The following NBN variants were observed in gnomAD, a reference collection of about 807,000 sequenced individuals.
NBN encodes Nijmegen breakage syndrome 1 (nibrin).
A neutral mutation model predicts 90.8 loss-of-function variants in NBN; 88 were observed. The observed-to-expected ratio is 0.97, with a 90% CI of 0.82 to 1.16. The LOEUF (loss-of-function observed/expected upper bound fraction) is 1.16, where lower values mean the gene tolerates loss of function less well. Among genes scored for constraint, NBN ranks in the 50% most tolerant of loss-of-function variants. The pLI, the probability that NBN is intolerant of heterozygous loss-of-function variation, is 0.00. For missense variants in NBN, 894 were observed against 869.6 expected (o/e 1.03, Z -0.35); for synonymous variants, 328 against 295.1 (o/e 1.11, Z -1.14).
Position 89,981,470 on chromosome 8 carries a change from A to G in NBN, c.225T>C (p.Gly75=). The G allele has an allele frequency of 6.2e-7, 1 of 1,613,674 alleles. No homozygotes were observed. The highest frequency in any genetic ancestry group is 8.5e-7 in the Non-Finnish European group (1 of 1,179,610). ...GCATTTTTTCCTCATTAACAAAGGTACCATACTTAGAATTATCTTTTAATG... is the reference window on the plus strand; with the variant it reads ...GCATTTTTTCCTCATTAACAAAGGTGCCATACTTAGAATTATCTTTTAATG... ...VLTLKDNSKY[G]TFVNEEKMQN... The change falls in exon 3 of 16, where the codon GGT becomes GGC. Residue 75 remains glycine, a synonymous_variant. Coordinates refer to ENST00000265433, the MANE Select transcript of NBN (RefSeq NM_002485.5).
At chr8:89,951,972 G>A (rs1167496764) in intron 11 of NBN, among the ~76,000 whole-genome samples, 1 of 152,156 alleles carries the variant, frequency 6.6e-6, no homozygotes, top group East Asian at 1.9e-4. Flanking sequence ...ATTAAGTTGG[G>A]TTTCTGAGAA....
intron 7 of NBN, among the ~76,000 whole-genome samples, chr8:89,966,864 C>A (rs1041672468): frequency 6.6e-6 from 1 of 152,056 alleles, no homozygotes; most frequent in African/African-American, 2.4e-5. Flanking sequence ...GTCAAAAACA[C>A]AAAAGTGCAT....
chr8:89,940,111 G>C (rs142627753), intron 14 of NBN, among the ~76,000 whole-genome samples: 2,182 of 151,866 alleles, frequency 0.014, 50 homozygotes, highest in African/African-American at 0.05. Flanking sequence ...TTTGAGATGT[G>C]GCCTTGCTCT....
Position 89,953,352 on chromosome 8 carries a change from T to C in NBN, c.1737A>G (p.Lys579=), listed in dbSNP as rs753582962. 2 of 1,613,508 alleles carry C rather than the reference T, an allele frequency of 1.2e-6. No homozygotes were observed. Among genetic ancestry groups the C allele is most frequent in the Admixed American group, 1.7e-5 (1 of 59,994 alleles). ...DTKPELEIDV[K]VQKQEEDVNV... ...TGACATCTTCCTCCTGTTTTTGAAC[T>C]TTCACATCAATTTCTAACTCTGGTT... Residue 579 remains lysine, a synonymous_variant, in exon 11 of 16, where the codon AAA becomes AAG. Transcript: ENST00000265433.
chr8:89,971,250 T>C lies in NBN; in HGVS notation c.625A>G (p.Asn209Asp). 6.2e-7 allele frequency: 1 copy of C among 1,613,230 alleles called. No individual in the cohort carries two copies. Among genetic ancestry groups the C allele is most frequent in the Non-Finnish European group, 8.5e-7 (1 of 1,179,490 alleles). The part of the protein sequence containing the change: ...PLDEPSIGSK[N>D]VDLSGRQERK... ...TCCTGCCGTCCTGACAGATCAACAT[T>C]TTTACTTCCAATAGATGGTTCATCA... Residue 209 changes from asparagine to aspartate, a missense_variant, in exon 6 of 16, where the codon AAT becomes GAT. Transcript: ENST00000265433.
Position 89,948,996 on chromosome 8 carries a change from C to A in NBN, c.1846-1104G>T, listed in dbSNP as rs538154292. Reference sequence around the variant, plus strand: ...ATAAGCTTGGAAATTATCTTATATTCTTTCCTATCTATTTATTTCCCATAT... The same window carrying A: ...ATAAGCTTGGAAATTATCTTATATTATTTCCTATCTATTTATTTCCCATAT... On this transcript the variant is annotated intron_variant, in intron 11 of 15. Transcript: ENST00000265433. Among the ~76,000 whole-genome samples, 7 of 152,306 alleles carry A rather than the reference C, an allele frequency of 4.6e-5. No individual in the cohort carries two copies. The South Asian group carries it at 8.3e-4, about 18-fold the overall frequency.
chr8:89,949,313 A>T (rs1169953511), intron 11 of NBN, among the ~76,000 whole-genome samples: 1 of 152,226 alleles, frequency 6.6e-6, no homozygotes, highest in East Asian at 1.9e-4. Context: ...CTGTAAATAT[A>T]ATAAAAGTAT....
intron 15 of NBN, among the ~76,000 whole-genome samples, chr8:89,935,825 T>A (rs1809646437): frequency 6.6e-6 from 1 of 151,660 alleles, no homozygotes; most frequent in South Asian, 2.1e-4. Flanking sequence ...AAAAAAAAAA[T>A]CAACAATAAC....
At position 89,953,629 on chromosome 8, in the gene NBN, C is replaced by CA; in HGVS notation, c.1459dup (p.Cys487LeufsTer18). The CA allele has an allele frequency of 1.2e-6, 2 of 1,613,102 alleles. No individual in the cohort carries two copies. Among genetic ancestry groups the CA allele is most frequent in the Non-Finnish European group, 1.7e-6 (2 of 1,179,596 alleles). On this transcript the variant is annotated frameshift_variant, in exon 11 of 16. Coordinates refer to ENST00000265433, the MANE Select transcript of NBN (RefSeq NM_002485.5). LOFTEE classifies it high-confidence loss of function. ...AGGTTGTGTTTGTTCTAAAAGAGAA[C>CA]AAGACGTTTCTATTCTTGCTGATTT... is the stretch of plus-strand genomic sequence containing the variant.
chr8:89,981,813 G>T, intron 2 of NBN: 1 of 512,182 alleles, frequency 2.0e-6, no homozygotes, highest in Non-Finnish European at 3.3e-6. Flanking sequence ...AGAATTTTTT[G>T]CTTTGGTGCA....
chr8:89,944,401 C>T (rs1304639260), intron 13 of NBN, among the ~76,000 whole-genome samples: 1 of 152,168 alleles, frequency 6.6e-6, no homozygotes, highest in Non-Finnish European at 1.5e-5. Flanking sequence ...CATGGTGAAA[C>T]TCATTTTACA....
chr8:89,967,608 A>T (rs1234233219), intron 7 of NBN, among the ~76,000 whole-genome samples: 1 of 152,242 alleles, frequency 6.6e-6, no homozygotes, highest in African/African-American at 2.4e-5. Flanking sequence ...AGCAGGAGGA[A>T]ATAAAGAGAA....
chr8:89,980,590 T>C (rs1166637344), intron 4 of NBN, 144 bp downstream of exon 4: 2 of 663,410 alleles, frequency 3.0e-6, no homozygotes, highest in Non-Finnish European at 2.6e-6. Flanking sequence ...CTAAATGGTA[T>C]ACAAAGGGAT....
chr8:89,966,183 G>C (rs1811244966), intron 7 of NBN, among the ~76,000 whole-genome samples: 1 of 152,162 alleles, frequency 6.6e-6, no homozygotes, highest in Non-Finnish European at 1.5e-5. Flanking sequence ...CACCACTTCT[G>C]TTCAACACTG....
intron 11 of NBN, among the ~76,000 whole-genome samples, 183 bp from the exon 12 acceptor site, chr8:89,948,075 A>T (rs1000105939): frequency 3.9e-5 from 6 of 152,222 alleles, no homozygotes; most frequent in African/African-American, 1.4e-4. Context: ...AAATTATGAG[A>T]TGAAAATATA....
At chr8:89,981,933 G>T in intron 2 of NBN, 1 of 1,134,980 alleles carries the variant, frequency 8.8e-7, no homozygotes, top group Non-Finnish European at 1.2e-6. Context: ...CGAGGTTATA[G>T]GCTAGTGTTT....
chr8:89,978,721 TAGG>T (rs1315703817), intron 4 of NBN, among the ~76,000 whole-genome samples: 2 of 152,202 alleles, frequency 1.3e-5, no homozygotes, highest in Non-Finnish European at 2.9e-5. Context: ...AAGACAATAT[TAGG>T]AGATGAACAT....
At chr8:89,947,711 T>C (rs1810258579) in intron 12 of NBN, 113 bp downstream of exon 12, 1 of 648,976 alleles carries the variant, frequency 1.5e-6, no homozygotes, top group Non-Finnish European at 2.8e-6. Flanking sequence ...AATCATGAAG[T>C]AAGCCATAAT....
chr8:89,984,407 A>T, intron 1 of NBN, 118 bp downstream of exon 1: 1 of 965,884 alleles, frequency 1.0e-6, no homozygotes, highest in Non-Finnish European at 1.6e-6. Context: ...CGCTTCTGCG[A>T]CCGCTTCCGC....
Sources: allele counts gnomAD v4.1 joint callset (sites outside exome capture counted in the v4.1 genomes callset), GRCh38; gene constraint gnomAD v4.1.1; transcripts MANE v1.5; gene names NCBI Gene and HGNC (gene_info 2026-07-23, HGNC 2026-07-21).